Variants in PROX1 observed in about 807,000 individuals in gnomAD.
The protein encoded by PROX1 is prospero homeobox protein 1.
In PROX1, 7 loss-of-function variants were observed where a neutral mutation model predicts 58.8. The observed-to-expected ratio is 0.12, with a 90% confidence interval of 0.07 to 0.22. PROX1 has a LOEUF of 0.22. Ranked by LOEUF, PROX1 falls within the 10% of genes least tolerant of loss-of-function variation. PROX1 has a pLI of 1.00. For synonymous variants in PROX1, 350 were observed against 358.3 expected, an observed-to-expected ratio of 0.98 and a Z score of 0.26; for missense variants, 675 against 927.8, an observed-to-expected ratio of 0.73 and a Z score of 3.54.
chr1:214,012,012 C>G (rs1394270176), intron 4 of PROX1, among the ~76,000 whole-genome samples: 1 of 152,128 alleles, frequency 6.6e-6, no homozygotes, highest in African/African-American at 2.4e-5. Context: ...GCAGCAAAGA[C>G]AGAGTGATTC....
In PROX1 at chr1:214,040,762, TG is replaced by T. The variant is rs1220323973; in HGVS notation, c.*4929del. 7.2e-5 allele frequency: 11 copies of T among 152,304 alleles called. No individual in the cohort carries two copies. Among genetic ancestry groups the T allele is most frequent in the African/African-American group, 2.2e-4 (9 of 41,574 alleles). The allele number at this position is 152,304 out of a possible 1,614,324, so 9.4% of individuals were successfully genotyped here. Reference sequence around the variant, plus strand: ...ATAAAGTCAATTTTTGATTTTTGTTTGTTTTTTTTAGCTAGAGGCAATTTCA... The same window carrying T: ...ATAAAGTCAATTTTTGATTTTTGTTTTTTTTTTTAGCTAGAGGCAATTTCA... On this transcript the variant is annotated 3_prime_UTR_variant, in exon 5 of 5. Transcript: ENST00000366958.
intron 4 of PROX1, among the ~76,000 whole-genome samples, chr1:214,027,722 A>G (rs1256014264): frequency 6.6e-6 from 1 of 152,168 alleles, no homozygotes; most frequent in Non-Finnish European, 1.5e-5. Flanking sequence ...ACGAAAATCT[A>G]TTTGACAAAG....
At position 213,988,474 on chromosome 1, in the gene PROX1, C is replaced by T. The variant is rs971872039; in HGVS notation, c.-77C>T. On this transcript the variant is annotated 5_prime_UTR_variant, in exon 1 of 5. Transcript: ENST00000366958. ...AGAGAGAGGCTCGGTCCCACTGCTC[C>T]CTGCACCGCGTAAGTATCTTCTTCT... 1 of 151,180 alleles carries T rather than the reference C, an allele frequency of 6.6e-6. No homozygotes were observed. Among genetic ancestry groups the T allele is most frequent in the Non-Finnish European group, 1.5e-5 (1 of 68,046 alleles). The allele number at this position is 151,180 out of a possible 1,614,324, so 9.4% of individuals were successfully genotyped here. A position where few individuals can be genotyped will look rare whatever the true frequency, so the allele number is the denominator to read the frequency against.
intron 4 of PROX1, among the ~76,000 whole-genome samples, chr1:214,032,320 A>G (rs1008622032): frequency 2.0e-5 from 3 of 152,200 alleles, no homozygotes; most frequent in African/African-American, 7.2e-5. Flanking sequence ...TGCTTTCTTC[A>G]TCTATAAAGT....
rs188226653 is a variant in PROX1 at position 213,997,447 on chromosome 1, A to C, written c.912A>C (p.Pro304=). Reference sequence around the variant, plus strand: ...ATAATGAGATGTGCGAGCTAGACCCAGGACAGTTTATTGACCGAGCTCGAG... The same window carrying C: ...ATAATGAGATGTGCGAGCTAGACCCCGGACAGTTTATTGACCGAGCTCGAG... ...RSDNEMCELD[P]GQFIDRARAL... is the part of the protein sequence containing the mutation. The change falls in exon 2 of 5, where the codon CCA becomes CCC. Residue 304 remains proline, a synonymous_variant. Transcript: ENST00000366958. The surrounding 1 kb of genome is among the most constrained non-coding windows in gnomAD (Gnocchi z 7.1). 3.0e-4 allele frequency: 479 copies of C among 1,614,116 alleles called. 1 individual carries two copies. The East Asian group carries it at 0.01, about 34-fold the overall frequency.
chr1:214,008,420 C>A lies in PROX1; in HGVS notation c.1834-3101C>A, dbSNP rs557933029. Among the ~76,000 whole-genome samples the A allele has an allele frequency of 5.6e-4, 75 of 134,222 alleles. 1 individual carries two copies. In the South Asian group the frequency reaches 0.014, roughly 26 times the overall value. 88.1% of individuals were successfully genotyped at this position (134,222 alleles called of 152,430 possible). A position where few individuals can be genotyped will look rare whatever the true frequency, so the allele number is the denominator to read the frequency against. ...AAAAACAAAAAACAAACAACAACAA[C>A]AACAACAAAAAAAACCAGGAGAAAA... On this transcript the variant is annotated intron_variant, in intron 3 of 4. Coordinates refer to ENST00000366958, the MANE Select transcript of PROX1 (RefSeq NM_001270616.2).
intron 4 of PROX1, among the ~76,000 whole-genome samples, chr1:214,017,539 G>A (rs1445168531): frequency 3.3e-5 from 5 of 151,528 alleles, no homozygotes; most frequent in African/African-American, 1.2e-4. Context: ...GTTTCTGACT[G>A]TAACCTACCC....
chr1:213,993,840 C>A (rs555905161), intron 1 of PROX1, among the ~76,000 whole-genome samples: 79 of 152,174 alleles, frequency 5.2e-4, no homozygotes, highest in Admixed American at 1.1e-3. Context: ...TACAACAAGA[C>A]CTAAAAGTAT....
intron 4 of PROX1, among the ~76,000 whole-genome samples, chr1:214,015,920 T>G (rs1664078945): frequency 6.6e-6 from 1 of 152,168 alleles, no homozygotes; most frequent in Non-Finnish European, 1.5e-5. Flanking sequence ...AAGTTTCCAG[T>G]AAGAATGACA....
intron 2 of PROX1, among the ~76,000 whole-genome samples, chr1:214,000,779 ACTTTT>A (rs977910802): frequency 6.6e-6 from 1 of 152,154 alleles, no homozygotes; most frequent in South Asian, 2.1e-4. Context: ...GATTGGGCCC[ACTTTT>A]CTCCTGTCTC....
intron 3 of PROX1, among the ~76,000 whole-genome samples, chr1:214,005,596 T>C (rs1209034615): frequency 1.3e-5 from 2 of 152,306 alleles, no homozygotes; most frequent in Middle Eastern, 3.4e-3. Flanking sequence ...GAATGTTTTT[T>C]CCCTCCCCTC....
At chr1:214,019,231 T>G (rs2102748882) in intron 4 of PROX1, among the ~76,000 whole-genome samples, 1 of 152,248 alleles carries the variant, frequency 6.6e-6, no homozygotes, top group African/African-American at 2.4e-5. Flanking sequence ...ACTGCTCTTT[T>G]TGCCCCCCCA....
At chr1:214,011,062 G>A (rs117247134) in intron 3 of PROX1, among the ~76,000 whole-genome samples, 1,535 of 152,120 alleles carry the variant, frequency 0.01, 20 homozygotes, top group East Asian at 0.026. Flanking sequence ...GCTGTAATGC[G>A]GTGATACAAA....
chr1:214,002,488 T>A (rs1663558108), intron 2 of PROX1, among the ~76,000 whole-genome samples: 1 of 150,164 alleles, frequency 6.7e-6, no homozygotes, highest in South Asian at 2.1e-4. Context: ...ACACATAGAA[T>A]TGAATGTCAT....
chr1:214,015,123 G>C (rs541450897), intron 4 of PROX1, among the ~76,000 whole-genome samples: 17 of 152,102 alleles, frequency 1.1e-4, no homozygotes, highest in Non-Finnish European at 1.9e-4. Context: ...GCAGACTTAG[G>C]GTGGTGAGCG....
At chr1:214,025,400 G>T (rs1196547047) in intron 4 of PROX1, among the ~76,000 whole-genome samples, 6 of 152,246 alleles carry the variant, frequency 3.9e-5, no homozygotes, top group Admixed American at 3.9e-4. Context: ...GCAGGGGCTG[G>T]CAAAGTATGG....
In PROX1 at chr1:214,037,263, T is replaced by TAA. The variant is rs755065006; in HGVS notation, c.*1430_*1431dup. On this transcript the variant is annotated 3_prime_UTR_variant, in exon 5 of 5. Transcript: ENST00000366958. ...GGTGGGTTTTTGTGTCCAGATGCAG[T>TAA]AAGAATTCATTGTTCATCCTAAAAC... 1 of 152,198 alleles carries TAA rather than the reference T, an allele frequency of 6.6e-6. No homozygotes were observed. The highest frequency in any genetic ancestry group is 1.5e-5 in the Non-Finnish European group (1 of 68,040). The allele number at this position is 152,198 out of a possible 1,614,324, so 9.4% of individuals were successfully genotyped here. A position where few individuals can be genotyped will look rare whatever the true frequency, so the allele number is the denominator to read the frequency against.
intron 4 of PROX1, among the ~76,000 whole-genome samples, chr1:214,017,614 C>T (rs1164383554): frequency 6.6e-6 from 1 of 151,506 alleles, no homozygotes; most frequent in Non-Finnish European, 1.5e-5. Flanking sequence ...GATGAGTTCA[C>T]AGTGAGAATA....
At chr1:214,012,616 T>A (rs1173449914) in intron 4 of PROX1, among the ~76,000 whole-genome samples, 1 of 152,144 alleles carries the variant, frequency 6.6e-6, no homozygotes, top group Admixed American at 6.5e-5. Context: ...GAGGCAACAG[T>A]AGTTGGAGGT....
Sources: gnomAD v4.1 joint callset for allele counts (sites outside exome capture counted in the v4.1 genomes callset) on GRCh38, gnomAD v4.1.1 for gene constraint, Gnocchi (gnomAD v3.1) non-coding constraint, MANE v1.5 for transcripts, NCBI Gene and HGNC (gene_info 2026-07-23, HGNC 2026-07-21) for gene names.